Variants in PCDH15 observed in about 807,000 individuals in gnomAD.
PCDH15 encodes the protein protocadherin-15.
Under a neutral mutation model 178.5 loss-of-function variants are expected in PCDH15, and 129 were observed. That is an observed-to-expected ratio of 0.72 (90% CI 0.63 to 0.84). PCDH15 has a LOEUF of 0.84. Ranked by LOEUF, PCDH15 falls within the 40% of genes least tolerant of loss-of-function variation. PCDH15 has a pLI of 0.00. For missense variants in PCDH15, 2,230 were observed against 2,099.9 expected (o/e 1.06, Z -1.21); for synonymous variants, 800 against 732.0 (o/e 1.09, Z -1.50).
chr10:55,569,154 A>T (rs776324887), intron 2 of PCDH15, among the ~76,000 whole-genome samples: 7 of 152,044 alleles, frequency 4.6e-5, no homozygotes, highest in Non-Finnish European at 5.9e-5. Context: ...TAAGCTACTA[A>T]TGACCTGGAT....
At chr10:54,587,533 T>TA (rs34508767) in intron 2 of PCDH15, among the ~76,000 whole-genome samples, 64,520 of 140,442 alleles carry the variant, frequency 0.46, 14,354 homozygotes, top group Non-Finnish European at 0.49. Flanking sequence ...AAACACACAA[T>TA]AAAAAAAAAA....
intron 14 of PCDH15, among the ~76,000 whole-genome samples, chr10:54,135,430 A>G (rs758412871): frequency 7.2e-5 from 11 of 152,192 alleles, no homozygotes; most frequent in Non-Finnish European, 1.5e-4. Context: ...ATAATTATTA[A>G]TGTAAACATG....
chr10:54,835,246 T>A (rs1032811378), intron 3 of PCDH15, among the ~76,000 whole-genome samples: 1 of 152,172 alleles, frequency 6.6e-6, no homozygotes, highest in Admixed American at 6.6e-5. Flanking sequence ...CGCAATGAAT[T>A]AATTCTAGAA....
At chr10:55,255,493 G>C (rs1454355357) in intron 1 of PCDH15, among the ~76,000 whole-genome samples, 2 of 152,168 alleles carry the variant, frequency 1.3e-5, no homozygotes, top group African/African-American at 4.8e-5. Context: ...GGGTCAAATG[G>C]TATTTCTAGT....
At chr10:54,698,073 C>G (rs1414014350) in intron 1 of PCDH15, among the ~76,000 whole-genome samples, 1 of 151,962 alleles carries the variant, frequency 6.6e-6, no homozygotes, top group African/African-American at 2.4e-5. Flanking sequence ...CCATGTTTAT[C>G]TGAAATGACT....
intron 2 of PCDH15, among the ~76,000 whole-genome samples, chr10:54,640,400 C>T (rs1173929004): frequency 6.6e-6 from 1 of 151,262 alleles, no homozygotes; most frequent in Non-Finnish European, 1.5e-5. Context: ...AAGTATGTAC[C>T]TTTAATACTT....
At chr10:55,181,837 T>A (rs1432543829) in intron 1 of PCDH15, among the ~76,000 whole-genome samples, 1 of 151,980 alleles carries the variant, frequency 6.6e-6, no homozygotes, top group Admixed American at 6.6e-5. Context: ...ACAGAGGTAT[T>A]TAAGTAGGAT....
At chr10:54,139,234 T>C (rs1314810148) in intron 14 of PCDH15, among the ~76,000 whole-genome samples, 1 of 152,056 alleles carries the variant, frequency 6.6e-6, no homozygotes, top group East Asian at 1.9e-4. Context: ...TTCTTGTGAG[T>C]TAATGGCAAA....
chr10:54,517,550 G>A (rs2082361322), intron 3 of PCDH15, among the ~76,000 whole-genome samples: 1 of 151,984 alleles, frequency 6.6e-6, no homozygotes, highest in African/African-American at 2.4e-5. Context: ...GGAGCACCCA[G>A]ATTCATAAAG....
intron 1 of PCDH15, among the ~76,000 whole-genome samples, chr10:54,722,594 A>AC (rs199655695): frequency 1.3e-5 from 2 of 149,128 alleles, no homozygotes; most frequent in African/African-American, 4.9e-5. Flanking sequence ...AAAAAAAAAA[A>AC]TGTCAAATTA....
At chr10:54,476,747 C>G (rs909817467) in intron 3 of PCDH15, among the ~76,000 whole-genome samples, 1 of 152,098 alleles carries the variant, frequency 6.6e-6, no homozygotes, top group Non-Finnish European at 1.5e-5. Context: ...CTTTTCTACA[C>G]TCCAGGTTCT....
chr10:54,355,180 T>A (rs1200554735), intron 5 of PCDH15, among the ~76,000 whole-genome samples: 3 of 144,640 alleles, frequency 2.1e-5, no homozygotes, highest in Non-Finnish European at 4.5e-5. Context: ...TTTAAAAGTA[T>A]CACCTCCTTT....
chr10:54,725,064 G>T (rs1352812324), intron 1 of PCDH15, among the ~76,000 whole-genome samples: 1 of 151,358 alleles, frequency 6.6e-6, no homozygotes, highest in Non-Finnish European at 1.5e-5. Context: ...CCGAAACACA[G>T]AAATGGATTT....
intron 2 of PCDH15, among the ~76,000 whole-genome samples, chr10:55,105,553 T>A (rs1842655632): frequency 6.6e-6 from 1 of 152,174 alleles, no homozygotes; most frequent in Non-Finnish European, 1.5e-5. Context: ...TACGTTTATT[T>A]AATATTACAG....
chr10:54,451,770 C>T (rs2076494852), intron 3 of PCDH15, among the ~76,000 whole-genome samples: 1 of 151,838 alleles, frequency 6.6e-6, no homozygotes, highest in South Asian at 2.1e-4. Context: ...CTCCATTATG[C>T]TTTAGAGGGG....
In PCDH15 at chr10:54,239,432, T is replaced by TATAGAGAGAGAGAGAGAGAGAGAGAGAG. The variant is rs1554853331; in HGVS notation, c.877-2502_877-2501insCTCTCTCTCTCTCTCTCTCTCTCTCTAT. ...GTGATTAAATATATATATATATATA[T>TATAGAGAGAGAGAGAGAGAGAGAGAGAG]AGAGTAAGAACTGAAGAACTAAAAA... is the stretch of plus-strand genomic sequence containing the variant. On this transcript the variant is annotated intron_variant, in intron 8 of 37. Coordinates refer to ENST00000644397, the MANE Select transcript of PCDH15 (RefSeq NM_001384140.1). 3.3e-3 allele frequency among the ~76,000 whole-genome samples: 491 copies of TATAGAGAGAGAGAGAGAGAGAGAGAGAG among 150,616 alleles called. 5 individuals carry two copies. The highest frequency in any genetic ancestry group is 0.011 in the African/African-American group (450 of 41,034).
At chr10:55,319,824 G>A (rs1023418599), upstream of PCDH15, among the ~76,000 whole-genome samples, 1 of 152,154 alleles carries the variant, frequency 6.6e-6, no homozygotes, top group African/African-American at 2.4e-5. Context: ...AGAGTCCAGA[G>A]GGTTTGGTGT....
chr10:54,138,857 T>C (rs1186776681), intron 14 of PCDH15, among the ~76,000 whole-genome samples: 1 of 152,178 alleles, frequency 6.6e-6, no homozygotes, highest in African/African-American at 2.4e-5. Context: ...TGGATCTTTA[T>C]GTGTGTTTAT....
intron 2 of PCDH15, chr10:54,655,110 C>T (rs974034240): frequency 9.8e-5 from 15 of 152,506 alleles, no homozygotes; most frequent in African/African-American, 3.4e-4. Flanking sequence ...ACTCGGGAGC[C>T]CGAGGCAGGA....
Sources: gnomAD v4.1 joint callset for allele counts (sites outside exome capture counted in the v4.1 genomes callset) on GRCh38, gnomAD v4.1.1 for gene constraint, MANE v1.5 for transcripts, NCBI Gene and HGNC (gene_info 2026-07-23, HGNC 2026-07-21) for gene names.